Variants in ENPP3 observed in about 807,000 individuals in gnomAD.
The protein encoded by ENPP3 is ectonucleotide pyrophosphatase/phosphodiesterase family member 3.
ENPP3 carries 104 observed loss-of-function variants against 117.8 expected under a neutral mutation model. The observed-to-expected ratio is 0.88, with a 90% CI of 0.75 to 1.04. The LOEUF (loss-of-function observed/expected upper bound fraction) is 1.04, where lower values mean the gene tolerates loss of function less well. Among genes scored for constraint, ENPP3 ranks in the 50% least tolerant of loss-of-function variants. ENPP3 has a pLI of 0.00. For synonymous variants in ENPP3, 380 were observed against 349.9 expected, an observed-to-expected ratio of 1.09 and a Z score of -0.96; for missense variants, 1,026 against 1,051.9, an observed-to-expected ratio of 0.98 and a Z score of 0.34.
chr6:131,654,605 G>T (rs1778344471), intron 5 of ENPP3, among the ~76,000 whole-genome samples: 1 of 151,998 alleles, frequency 6.6e-6, no homozygotes, highest in African/African-American at 2.4e-5. Context: ...ACCATTCTCA[G>T]CTAATTCATT....
intron 6 of ENPP3, among the ~76,000 whole-genome samples, chr6:131,670,672 A>T (rs1377633051): frequency 1.3e-5 from 2 of 152,000 alleles, no homozygotes. Flanking sequence ...TTTAATTTTT[A>T]TACAGAAATG....
In ENPP3 at chr6:131,674,262, C is replaced by T. The variant is rs202198426; in HGVS notation, c.743C>T (p.Ala248Val). Residue 248 changes from alanine (A) to valine (V), a missense_variant, in exon 8 of 25, where the codon GCC (alanine) becomes GTC (valine). Physicochemically the swap from Ala to Val is moderately conservative, Grantham distance 64. Transcript: ENST00000357639. ...TCTTCAAAGGAACAAAATAATCCAGCCTGGTGGCATGGGCAACCAGTATGT... is the reference window on the plus strand; with the variant it reads ...TCTTCAAAGGAACAAAATAATCCAGTCTGGTGGCATGGGCAACCAGTATGT... ...SLSSKEQNNP[A>V]WWHGQPMWLT... The T allele has an allele frequency of 6.8e-6, 11 of 1,613,378 alleles. No individual in the cohort carries two copies. The highest frequency in any genetic ancestry group is 1.1e-5 in the South Asian group (1 of 91,074).
chr6:131,701,087 A>C, intron 15 of ENPP3: 1 of 568,216 alleles, frequency 1.8e-6, no homozygotes, highest in South Asian at 2.0e-5. Context: ...TGACAGCAAA[A>C]GTGGAAAACA....
intron 17 of ENPP3, 76 bp from the exon 18 acceptor site, chr6:131,722,151 T>A: frequency 9.6e-7 from 1 of 1,045,778 alleles, no homozygotes; most frequent in Non-Finnish European, 1.4e-6. Context: ...TAGGTGTTTG[T>A]TTCTTCCCAT....
At chr6:131,735,553 G>C (rs1780378198) in intron 21 of ENPP3, among the ~76,000 whole-genome samples, 1 of 152,028 alleles carries the variant, frequency 6.6e-6, no homozygotes, top group Non-Finnish European at 1.5e-5. Context: ...CCAGGAGTTC[G>C]AGATCAACCT....
At chr6:131,669,504 C>T (rs1778692724) in intron 6 of ENPP3, among the ~76,000 whole-genome samples, 1 of 151,616 alleles carries the variant, frequency 6.6e-6, no homozygotes, top group Admixed American at 6.6e-5. Context: ...AAAACTCCAT[C>T]TCTACTAAAA....
At chr6:131,725,990 A>G (rs948248299) in intron 19 of ENPP3, 56 bp from the exon 20 acceptor site, 1 of 1,271,558 alleles carries the variant, frequency 7.9e-7, no homozygotes, top group Non-Finnish European at 1.1e-6. Flanking sequence ...TATTACATGC[A>G]AAGAAGCATT....
chr6:131,688,736 G>T (rs186975176), intron 14 of ENPP3, among the ~76,000 whole-genome samples: 2 of 152,134 alleles, frequency 1.3e-5, no homozygotes, highest in East Asian at 3.9e-4. Context: ...GCTAGCAGGG[G>T]TTTGTTAGTG....
chr6:131,740,366 G>A lies in ENPP3; in HGVS notation c.2443G>A (p.Val815Met), dbSNP rs781692254. 1.4e-5 allele frequency: 22 copies of A among 1,609,016 alleles called. 1 individual carries two copies. The highest frequency in any genetic ancestry group is 1.0e-4 in the South Asian group (9 of 90,042). Reference sequence around the variant, plus strand: ...TATCATCCCTCACCGACCTACCAACGTGGAGAGCTGTCCTGTGAGTATGCT... The same window carrying A: ...TATCATCCCTCACCGACCTACCAACATGGAGAGCTGTCCTGTGAGTATGCT... ...PFIIPHRPTN[V>M]ESCPEGKPEA... Residue 815 changes from valine (V) to methionine (M), a missense_variant, in exon 24 of 25, where the codon GTG (valine) becomes ATG (methionine). Coordinates refer to ENST00000357639, the MANE Select transcript of ENPP3 (RefSeq NM_005021.5).
At chr6:131,654,547 A>G (rs1300323040) in intron 5 of ENPP3, among the ~76,000 whole-genome samples, 1 of 152,006 alleles carries the variant, frequency 6.6e-6, no homozygotes. Context: ...GCCTCAAACA[A>G]TTCCCTCACC....
chr6:131,744,904 G>A (rs546693643), intron 24 of ENPP3, among the ~76,000 whole-genome samples: 2 of 152,156 alleles, frequency 1.3e-5, no homozygotes, highest in South Asian at 2.1e-4. Flanking sequence ...GCATGGACTA[G>A]TGCAGCGAGA....
intron 21 of ENPP3, among the ~76,000 whole-genome samples, chr6:131,737,109 A>G (rs546730915): frequency 6.6e-6 from 1 of 152,302 alleles, no homozygotes; most frequent in East Asian, 1.9e-4. Context: ...ACCTATTTCC[A>G]AATAAGTTTA....
chr6:131,744,910 C>T (rs1401128895), intron 24 of ENPP3, among the ~76,000 whole-genome samples: 1 of 151,910 alleles, frequency 6.6e-6, no homozygotes, highest in Non-Finnish European at 1.5e-5. Flanking sequence ...ACTAGTGCAG[C>T]GAGAGCAGTT....
intron 8 of ENPP3, among the ~76,000 whole-genome samples, chr6:131,674,594 G>C (rs901289621): frequency 2.0e-5 from 3 of 147,874 alleles, no homozygotes; most frequent in African/African-American, 7.6e-5. Flanking sequence ...TTTTTTTTGA[G>C]ATGGAGTCTT....
At position 131,663,985 on chromosome 6, in the gene ENPP3, C is replaced by A. The variant is rs192425799; in HGVS notation, c.562+5565C>A. ...GGCTCAGGCGATCCTCCCACCTTGG[C>A]CTTCCAAAGTGCCTTCCAAAGTGCT... is the stretch of plus-strand genomic sequence containing the variant. On this transcript the variant is annotated intron_variant, in intron 6 of 24. Coordinates refer to ENST00000357639, the MANE Select transcript of ENPP3 (RefSeq NM_005021.5). Among the ~76,000 whole-genome samples the A allele has an allele frequency of 4.6e-5, 7 of 152,246 alleles. No homozygotes were observed. The East Asian group carries it at 1.4e-3, about 29-fold the overall frequency.
intron 10 of ENPP3, 62 bp from the exon 11 acceptor site, chr6:131,677,806 C>A: frequency 1.8e-6 from 2 of 1,089,036 alleles, no homozygotes; most frequent in Non-Finnish European, 2.8e-6. Flanking sequence ...CAAAATCCCC[C>A]AATCCAGCCT....
intron 6 of ENPP3, among the ~76,000 whole-genome samples, chr6:131,669,123 C>G (rs926627928): frequency 5.3e-5 from 8 of 152,118 alleles, no homozygotes; most frequent in African/African-American, 9.7e-5. Flanking sequence ...CTTTATGTAT[C>G]TGTTCATTGT....
chr6:131,663,693 C>CA (rs111357396), intron 6 of ENPP3, among the ~76,000 whole-genome samples: 187 of 125,290 alleles, frequency 1.5e-3, no homozygotes, highest in South Asian at 5.7e-3. Context: ...GTTCTTGTCT[C>CA]AAAAAAAAAA....
At chr6:131,681,127 C>G (rs1585660258) in intron 11 of ENPP3, among the ~76,000 whole-genome samples, 1 of 152,146 alleles carries the variant, frequency 6.6e-6, no homozygotes, top group Non-Finnish European at 1.5e-5. Flanking sequence ...CTCTCGCTGG[C>G]AAACCAAAGT....
Sources: allele counts gnomAD v4.1 joint callset (sites outside exome capture counted in the v4.1 genomes callset), GRCh38; gene constraint gnomAD v4.1.1; transcripts MANE v1.5; gene names NCBI Gene and HGNC (gene_info 2026-07-23, HGNC 2026-07-21).